The following DLGAP2 variants were observed in gnomAD, a reference collection of about 807,000 sequenced individuals.
DLGAP2 encodes the protein DLG associated protein 2.
DLGAP2 carries 26 observed loss-of-function variants against 100.3 expected under a neutral mutation model. The ratio of observed to expected loss-of-function variants is 0.26; its 90% CI spans 0.19 to 0.36. The LOEUF is 0.36. DLGAP2 is among the 10% of genes least tolerant of loss of function. The pLI, the probability that DLGAP2 is intolerant of heterozygous loss-of-function variation, is 1.00. For missense variants in DLGAP2, 1,858 were observed against 1,453.2 expected (o/e 1.28, Z -4.53); for synonymous variants, 886 against 630.1 (o/e 1.41, Z -6.08).
At chr8:957,224 G>A (rs1193726640) in intron 2 of DLGAP2, among the ~76,000 whole-genome samples, 1 of 152,244 alleles carries the variant, frequency 6.6e-6, no homozygotes, top group African/African-American at 2.4e-5. Context: ...TTTGAAGGCA[G>A]GGTCAGTGCT....
At chr8:1,185,282 A>G (rs948006957) in intron 2 of DLGAP2, among the ~76,000 whole-genome samples, 1 of 152,050 alleles carries the variant, frequency 6.6e-6, no homozygotes, top group African/African-American at 2.4e-5. Context: ...GTCAAACTTC[A>G]GGGCTGTGGT....
intron 3 of DLGAP2, among the ~76,000 whole-genome samples, chr8:1,358,142 C>G (rs995801208): frequency 6.6e-6 from 1 of 152,130 alleles, no homozygotes; most frequent in African/African-American, 2.4e-5. Context: ...AGAGAAAATC[C>G]AGGTGCATCC....
chr8:1,062,325 G>A (rs1401526695), intron 2 of DLGAP2, among the ~76,000 whole-genome samples: 3 of 152,170 alleles, frequency 2.0e-5, no homozygotes, highest in East Asian at 1.9e-4. Flanking sequence ...AGCCTGGTCC[G>A]GGCTGTGGCT....
chr8:1,334,436 A>G (rs533461345), intron 3 of DLGAP2, among the ~76,000 whole-genome samples: 2 of 152,274 alleles, frequency 1.3e-5, no homozygotes, highest in Admixed American at 1.3e-4. Flanking sequence ...TTTTCTGTAA[A>G]TATGTGCTGT....
chr8:1,214,874 A>G (rs1798181335), intron 2 of DLGAP2, among the ~76,000 whole-genome samples: 2 of 152,194 alleles, frequency 1.3e-5, no homozygotes. Flanking sequence ...TGTGTTTTCC[A>G]CATTTGTGGC....
At position 745,639 on chromosome 8, in the gene DLGAP2, C is replaced by T. The variant is rs369164890; in HGVS notation, c.18+7814C>T. On this transcript the variant is annotated intron_variant, in intron 1 of 14. Transcript: ENST00000637795. ...ACAATAAGTTAGCTAAGTGGATGTT[C>T]CCTCCAGTTTTGTTTCATAGTATAA... is the stretch of plus-strand genomic sequence containing the variant. 4.0e-3 allele frequency among the ~76,000 whole-genome samples: 604 copies of T among 152,262 alleles called. 8 individuals are homozygous for T. Among genetic ancestry groups the T allele is most frequent in the South Asian group, 0.037 (180 of 4,820 alleles).
intron 1 of DLGAP2, among the ~76,000 whole-genome samples, chr8:840,519 G>A (rs1229679229): frequency 9.6e-6 from 1 of 104,674 alleles, no homozygotes. Context: ...CGTCCACACG[G>A]TGCACGCCTG....
Position 1,057,709 on chromosome 8 carries a change from G to T in DLGAP2, c.73+149743G>T, listed in dbSNP as rs1421499115. Among the ~76,000 whole-genome samples, 3 of 152,178 alleles carry T rather than the reference G, an allele frequency of 2.0e-5. No individual in the cohort carries two copies. The East Asian group carries it at 5.8e-4, about 29-fold the overall frequency. On this transcript the variant is annotated intron_variant, in intron 2 of 14. Transcript: ENST00000637795. ...TAGATTTGTTTGCGAACAGCTTGTG[G>T]CCTTTCATCTTTGAGAATTGTGACT...
intron 2 of DLGAP2, among the ~76,000 whole-genome samples, chr8:1,208,700 T>C (rs1262767811): frequency 6.6e-6 from 1 of 152,092 alleles, no homozygotes; most frequent in African/African-American, 2.4e-5. Context: ...TGCAGTTCAC[T>C]GATGATATGA....
At chr8:1,287,630 TTG>T (rs1233318976) in intron 3 of DLGAP2, among the ~76,000 whole-genome samples, 1 of 80,902 alleles carries the variant, frequency 1.2e-5, no homozygotes, top group African/African-American at 5.1e-5. Flanking sequence ...CTAGTTTCGG[TTG>T]AGTGTGTGTG....
chr8:1,151,294 T>C (rs1460148307), intron 2 of DLGAP2, among the ~76,000 whole-genome samples: 1 of 152,130 alleles, frequency 6.6e-6, no homozygotes, highest in Non-Finnish European at 1.5e-5. Context: ...GTTAACATTT[T>C]TACATGCACA....
At chr8:1,413,498 G>C (rs760371779) in intron 3 of DLGAP2, among the ~76,000 whole-genome samples, 1 of 152,202 alleles carries the variant, frequency 6.6e-6, no homozygotes. Flanking sequence ...AAAAGTTGTA[G>C]ATTACTTTGC....
rs1796916242 is a variant in DLGAP2, at chr8:1,417,188, G to T, written c.107-84178G>T. On this transcript the variant is annotated intron_variant, in intron 3 of 14. Transcript: ENST00000637795. ...GGAAGCCCCCGTTCATTTAGTGTCT[G>T]AGGCGGGGGAGACTCTGAGTGAGGG... Among the ~76,000 whole-genome samples the T allele has an allele frequency of 3.8e-5, 3 of 79,776 alleles. 1 individual carries two copies. The South Asian group carries it at 9.5e-4, about 25-fold the overall frequency. The allele number at this position is 79,776 out of a possible 152,430, so 52.3% of individuals were successfully genotyped here.
intron 3 of DLGAP2, among the ~76,000 whole-genome samples, chr8:1,391,460 T>G (rs1796352937): frequency 6.6e-6 from 1 of 152,116 alleles, no homozygotes; most frequent in Non-Finnish European, 1.5e-5. Flanking sequence ...GGTGACTCAG[T>G]GCCAAGCAAA....
At chr8:1,111,656 A>G (rs1313116074) in intron 2 of DLGAP2, among the ~76,000 whole-genome samples, 1 of 151,892 alleles carries the variant, frequency 6.6e-6, no homozygotes. Flanking sequence ...AACATGCAGT[A>G]TTTGTTTTTC....
At chr8:1,363,963 G>C (rs1802046403) in intron 3 of DLGAP2, among the ~76,000 whole-genome samples, 1 of 152,176 alleles carries the variant, frequency 6.6e-6, no homozygotes, top group Non-Finnish European at 1.5e-5. Context: ...GGCACAGTAG[G>C]AGTCAGGATG....
At chr8:1,162,872 C>A (rs900089805) in intron 2 of DLGAP2, among the ~76,000 whole-genome samples, 1 of 152,180 alleles carries the variant, frequency 6.6e-6, no homozygotes, top group African/African-American at 2.4e-5. Flanking sequence ...GGCACGGGGG[C>A]ACCAGAAGAG....
intron 2 of DLGAP2, among the ~76,000 whole-genome samples, chr8:1,020,119 A>G (rs1420769680): frequency 2.0e-5 from 3 of 152,244 alleles, no homozygotes; most frequent in African/African-American, 7.2e-5. Context: ...AAAATAAATC[A>G]TACAATTATT....
intron 2 of DLGAP2, among the ~76,000 whole-genome samples, chr8:1,171,553 G>T (rs1441403269): frequency 1.3e-5 from 2 of 152,002 alleles, no homozygotes; most frequent in African/African-American, 4.8e-5. Context: ...CTTGCTTTAT[G>T]AATCTGGGTG....
Sources: allele counts gnomAD v4.1 joint callset (sites outside exome capture counted in the v4.1 genomes callset), GRCh38; gene constraint gnomAD v4.1.1; transcripts MANE v1.5; gene names NCBI Gene and HGNC (gene_info 2026-07-23, HGNC 2026-07-21).